Variants in AFDN observed in about 807,000 individuals in gnomAD.
AFDN encodes afadin, adherens junction formation factor.
AFDN carries 68 observed loss-of-function variants against 216.6 expected under a neutral mutation model. The ratio of observed to expected loss-of-function variants is 0.31; its 90% CI spans 0.26 to 0.38. The LOEUF (loss-of-function observed/expected upper bound fraction) is 0.38. Ranked by LOEUF, AFDN falls within the 10% of genes least tolerant of loss-of-function variation. The pLI, the probability that AFDN is intolerant of heterozygous loss-of-function variation, is 1.00. For missense variants in AFDN, 2,136 were observed against 2,342.0 expected (o/e 0.91, Z 1.82); for synonymous variants, 868 against 853.7 (o/e 1.02, Z -0.29).
chr6:167,947,031 C>T, intron 27 of AFDN, 130 bp downstream of exon 27: 1 of 772,480 alleles, frequency 1.3e-6, no homozygotes, highest in South Asian at 1.9e-5. Flanking sequence ...ATATGGTTTT[C>T]ATAAGGGATA....
intron 5 of AFDN, 64 bp downstream of exon 5, chr6:167,875,559 C>A: frequency 1.3e-6 from 2 of 1,524,976 alleles, no homozygotes; most frequent in Non-Finnish European, 1.8e-6. Flanking sequence ...TTACACTGTA[C>A]GTGCGTGAGA....
Position 167,864,699 on chromosome 6 carries a change from T to C in AFDN, c.254T>C (p.Met85Thr). 1 of 1,614,210 alleles carries C rather than the reference T, an allele frequency of 6.2e-7. No individual in the cohort carries two copies. Among genetic ancestry groups the C allele is most frequent in the Non-Finnish European group, 8.5e-7 (1 of 1,180,040 alleles). The change falls in exon 2 of 34, where the codon ATG (methionine) becomes ACG (threonine). Residue 85 changes from methionine to threonine, a missense_variant. Coordinates refer to ENST00000683244, the MANE Select transcript of AFDN (RefSeq NM_001386888.1). Reference protein sequence around the residue: ...LAEKFRPDMRMLSSPKYSLYE... With the variant: ...LAEKFRPDMRTLSSPKYSLYE... ...GAGAAATTTCGACCTGATATGCGAA[T>C]GCTGTCCTCTCCCAAGTATTCACTC...
intron 1 of AFDN, among the ~76,000 whole-genome samples, chr6:167,856,524 T>C (rs1004881989): frequency 2.6e-4 from 40 of 152,314 alleles, no homozygotes; most frequent in African/African-American, 8.9e-4. Flanking sequence ...TGGCCTACTC[T>C]AATTTACTAT....
At chr6:167,872,505 T>A (rs759306730) in intron 4 of AFDN, 128 bp downstream of exon 4, 3 of 1,018,192 alleles carry the variant, frequency 2.9e-6, no homozygotes, top group Non-Finnish European at 4.4e-6. Context: ...TGTGTTTGGG[T>A]CTACTCCCAG....
In AFDN at chr6:167,921,873, C is replaced by T. The variant is rs368420595; in HGVS notation, c.2909-983C>T. The stretch of plus-strand genomic sequence containing the variant: ...TTAACTGAATATGTTTTTGACGTCT[C>T]CTTTTTTGCCTACCATAAATAACCT... On this transcript the variant is annotated intron_variant, in intron 21 of 33. Transcript: ENST00000683244. 6.2e-4 allele frequency among the ~76,000 whole-genome samples: 95 copies of T among 152,200 alleles called. No individual in the cohort carries two copies. The Middle Eastern group carries it at 0.01, about 16-fold the overall frequency.
At chr6:167,894,650 A>G (rs1348974291) in intron 9 of AFDN, among the ~76,000 whole-genome samples, 1 of 152,202 alleles carries the variant, frequency 6.6e-6, no homozygotes, top group Non-Finnish European at 1.5e-5. Context: ...TATTACTGTG[A>G]AGTAATAAGA....
intron 23 of AFDN, among the ~76,000 whole-genome samples, chr6:167,925,560 C>T (rs114735657): frequency 1.4e-3 from 215 of 152,228 alleles, no homozygotes; most frequent in African/African-American, 5.0e-3. Context: ...TTCCAGGTGC[C>T]TTCCAGTAAG....
At chr6:167,921,375 A>G (rs959828115) in intron 21 of AFDN, among the ~76,000 whole-genome samples, 1 of 152,264 alleles carries the variant, frequency 6.6e-6, no homozygotes, top group East Asian at 1.9e-4. Context: ...TTAGATGATC[A>G]TTGTACACGT....
chr6:167,964,543 A>C (rs150230114), intron 31 of AFDN: 2 of 1,064,572 alleles, frequency 1.9e-6, no homozygotes, highest in African/African-American at 3.3e-5. Flanking sequence ...TCAGGGCAGT[A>C]ATTGGGGCTG....
chr6:167,965,922 C>G lies in AFDN; in HGVS notation c.5134C>G (p.Pro1712Ala). The G allele has an allele frequency of 3.2e-6, 5 of 1,549,896 alleles. No homozygotes were observed. The highest frequency in any genetic ancestry group is 4.4e-6 in the Non-Finnish European group (5 of 1,146,482). Residue 1712 changes from proline (P) to alanine (A), a missense_variant, in exon 32 of 34, where the codon CCT becomes GCT. Pro to Ala is a conservative substitution (Grantham distance 27, BLOSUM62 -1). Transcript: ENST00000683244. ...PSPSPAPGAP[P>A]PPPQRNASYL... ...CCCGTCCCCCGCGCCCGGCGCCCCT[C>G]CTCCCCCGCCTCAGCGAAACGCCTC...
At chr6:167,934,255 C>A (rs1793698581) in intron 23 of AFDN, among the ~76,000 whole-genome samples, 2 of 152,070 alleles carry the variant, frequency 1.3e-5, no homozygotes, top group South Asian at 4.1e-4. Context: ...TAAACGAAAC[C>A]CAGAGCTGGA....
At chr6:167,878,627 C>T (rs1387378875) in intron 5 of AFDN, among the ~76,000 whole-genome samples, 1 of 152,138 alleles carries the variant, frequency 6.6e-6, no homozygotes, top group Non-Finnish European at 1.5e-5. Flanking sequence ...CTCTCTCATA[C>T]ACATAGAACT....
chr6:167,909,912 T>C (rs1790174067), intron 13 of AFDN, among the ~76,000 whole-genome samples: 1 of 152,192 alleles, frequency 6.6e-6, no homozygotes, highest in African/African-American at 2.4e-5. Flanking sequence ...TGAACTAAAA[T>C]GATAAAGACA....
In AFDN at chr6:167,962,726, C is replaced by T; in HGVS notation, c.4968+159C>T. 9.9e-6 allele frequency: 15 copies of T among 1,508,326 alleles called. No individual in the cohort carries two copies. Among genetic ancestry groups the T allele is most frequent in the Non-Finnish European group, 1.3e-5 (15 of 1,131,836 alleles). The allele number at this position is 1,508,326 out of a possible 1,614,324, so 93.4% of individuals were successfully genotyped here. A position where few individuals can be genotyped will look rare whatever the true frequency, so the allele number is the denominator to read the frequency against. On this transcript the variant is annotated intron_variant, in intron 31 of 33. Transcript: ENST00000683244. The surrounding 1 kb of genome is among the most constrained non-coding windows in gnomAD (Gnocchi z 5.2). ...TTTGTGATTGGACCTGCAACTTTACCCCATCTGGCCCACCTACCTCTCTTC... is the reference window on the plus strand; with the variant it reads ...TTTGTGATTGGACCTGCAACTTTACTCCATCTGGCCCACCTACCTCTCTTC...
intron 1 of AFDN, among the ~76,000 whole-genome samples, chr6:167,852,250 G>T (rs1176778883): frequency 1.3e-5 from 2 of 152,102 alleles, no homozygotes; most frequent in Admixed American, 6.5e-5. Context: ...ATTTGAATTG[G>T]AATCCAAACA....
At chr6:167,913,718 C>G (rs1790695354) in intron 16 of AFDN, 2 of 475,246 alleles carry the variant, frequency 4.2e-6, no homozygotes, top group African/African-American at 3.9e-5. Context: ...GCCTGGCCTG[C>G]ACATGTGGTC....
At chr6:167,862,991 A>T (rs559332610) in intron 1 of AFDN, among the ~76,000 whole-genome samples, 4 of 152,216 alleles carry the variant, frequency 2.6e-5, no homozygotes, top group African/African-American at 9.6e-5. Flanking sequence ...CAAGCACTAT[A>T]AAGTTTCAGG....
chr6:167,966,533 A>G (rs886505878), intron 32 of AFDN, among the ~76,000 whole-genome samples: 7 of 152,152 alleles, frequency 4.6e-5, no homozygotes, highest in African/African-American at 1.4e-4. Flanking sequence ...TCAGCTGACA[A>G]TCAGTCCTTC....
At chr6:167,897,315 A>G (rs1054716938) in intron 10 of AFDN, among the ~76,000 whole-genome samples, 1 of 152,242 alleles carries the variant, frequency 6.6e-6, no homozygotes, top group South Asian at 2.1e-4. Context: ...GTCTGACCAC[A>G]TAGCATTAGG....
Sources: gnomAD v4.1 joint callset for allele counts (sites outside exome capture counted in the v4.1 genomes callset) on GRCh38, gnomAD v4.1.1 for gene constraint, Gnocchi (gnomAD v3.1) non-coding constraint, MANE v1.5 for transcripts, NCBI Gene and HGNC (gene_info 2026-07-23, HGNC 2026-07-21) for gene names.